Variants in KIAA2012 observed in about 807,000 individuals in gnomAD.
KIAA2012 encodes uncharacterized protein KIAA2012.
A neutral mutation model predicts 150.6 loss-of-function variants in KIAA2012; 125 were observed. The observed-to-expected ratio is 0.83, with a 90% confidence interval of 0.72 to 0.96. The LOEUF (loss-of-function observed/expected upper bound fraction) is 0.96. Among genes scored for constraint, KIAA2012 ranks in the 40% least tolerant of loss-of-function variants. KIAA2012 has a pLI of 0.00. For missense variants in KIAA2012, 1,219 were observed against 1,354.9 expected (o/e 0.90, Z 1.57); for synonymous variants, 462 against 504.7 (o/e 0.92, Z 1.13).
intron 12 of KIAA2012, among the ~76,000 whole-genome samples, chr2:202,130,848 C>A (rs2105939753): frequency 6.6e-6 from 1 of 152,138 alleles, no homozygotes; most frequent in South Asian, 2.1e-4. Context: ...ACCCAGGAGG[C>A]AGAGGTTGCA....
At chr2:202,103,558 A>G (rs1690107176) in intron 8 of KIAA2012, among the ~76,000 whole-genome samples, 2 of 152,210 alleles carry the variant, frequency 1.3e-5, no homozygotes, top group Non-Finnish European at 2.9e-5. Flanking sequence ...GTTTGAAGTA[A>G]GTACTGGATT....
intron 3 of KIAA2012, among the ~76,000 whole-genome samples, chr2:202,091,894 T>C (rs1689734049): frequency 6.6e-6 from 1 of 152,176 alleles, no homozygotes. Context: ...CCCCAATAAG[T>C]GGTGACTTGA....
intron 23 of KIAA2012, among the ~76,000 whole-genome samples, chr2:202,202,931 GAAA>G (rs34202403): frequency 6.3e-5 from 8 of 126,036 alleles, no homozygotes; most frequent in South Asian, 2.5e-4. Flanking sequence ...TGTCTCTTAA[GAAA>G]AAAAAAAAAA....
rs1005786884 is a variant in KIAA2012, at chr2:202,097,526, C to T, written c.777C>T (p.Arg259=). The T allele has an allele frequency of 3.0e-5, 47 of 1,550,168 alleles. No homozygotes were observed. The highest frequency in any genetic ancestry group is 4.1e-5 in the Non-Finnish European group (47 of 1,146,930). The change falls in exon 5 of 24, where the codon CGC becomes CGT. Residue 259 remains arginine (R), a synonymous_variant. Coordinates refer to ENST00000498697, the MANE Select transcript of KIAA2012 (RefSeq NM_001277372.4). ...AGAACCATGGCAGTCAGGGGACTCG[C>T]TTGCCACCACGCAGGAAGCAGCCCT... ...LAKNHGSQGT[R]LPPRRKQPWQ...
chr2:202,166,527 C>T (rs1691767511), intron 15 of KIAA2012, among the ~76,000 whole-genome samples: 1 of 152,070 alleles, frequency 6.6e-6, no homozygotes, highest in Non-Finnish European at 1.5e-5. Context: ...GTAGCACATG[C>T]CTGTAGTCCC....
At chr2:202,084,375 G>T (rs1426023149) in intron 2 of KIAA2012, among the ~76,000 whole-genome samples, 1 of 152,152 alleles carries the variant, frequency 6.6e-6, no homozygotes, top group Non-Finnish European at 1.5e-5. Context: ...CGGGGGAAGG[G>T]ACAGTTACAC....
In KIAA2012 at chr2:202,101,523, C is replaced by T. The variant is rs554940699; in HGVS notation, c.1155+1074C>T. Among the ~76,000 whole-genome samples the T allele has an allele frequency of 3.3e-5, 5 of 152,338 alleles. No individual in the cohort carries two copies. In the East Asian group the frequency reaches 9.6e-4, roughly 29 times the overall value. ...GAGGAAAGGAGTCCCTTCCCTCAAC[C>T]CATGTATATGGTTTCACAGAGGAAA... On this transcript the variant is annotated intron_variant, in intron 7 of 23. Transcript: ENST00000498697.
At chr2:202,105,646 C>G in intron 8 of KIAA2012, 115 bp from the exon 9 acceptor site, 2 of 1,369,980 alleles carry the variant, frequency 1.5e-6, no homozygotes, top group Non-Finnish European at 2.0e-6. Flanking sequence ...CAAATGGACA[C>G]TGCTCCAACC....
chr2:202,111,024 C>T (rs1690335137), intron 10 of KIAA2012, among the ~76,000 whole-genome samples: 1 of 152,146 alleles, frequency 6.6e-6, no homozygotes, highest in African/African-American at 2.4e-5. Flanking sequence ...ACCCCCTCCC[C>T]TTTATACTTG....
intron 2 of KIAA2012, among the ~76,000 whole-genome samples, chr2:202,080,802 C>T (rs2105909314): frequency 6.6e-6 from 1 of 151,950 alleles, no homozygotes; most frequent in Non-Finnish European, 1.5e-5. Flanking sequence ...ATCCTCACAA[C>T]AGGTTAATAA....
At chr2:202,103,263 G>T in intron 8 of KIAA2012, 149 bp downstream of exon 8, 1 of 771,248 alleles carries the variant, frequency 1.3e-6, no homozygotes, top group Non-Finnish European at 2.0e-6. Context: ...ATAAAATCTA[G>T]AAGAAGATCT....
chr2:202,125,189 G>A (rs1690752217), intron 11 of KIAA2012, 25 bp from the exon 12 acceptor site: 9 of 1,538,722 alleles, frequency 5.8e-6, no homozygotes, highest in Non-Finnish European at 7.9e-6. Flanking sequence ...CCCGCTCTCA[G>A]GTAAAATATC....
chr2:202,196,663 C>T (rs753166382), intron 21 of KIAA2012, 137 bp from the exon 22 acceptor site: 232 of 1,053,408 alleles, frequency 2.2e-4, no homozygotes, highest in Non-Finnish European at 3.0e-4. Context: ...CAGAGAGGAT[C>T]TGGCAGCCTG....
intron 15 of KIAA2012, among the ~76,000 whole-genome samples, chr2:202,181,768 A>AT (rs1346978395): frequency 6.6e-6 from 1 of 152,092 alleles, no homozygotes; most frequent in Admixed American, 6.6e-5. Context: ...GCATGGTGAG[A>AT]TTTTTTTGGT....
chr2:202,087,380 G>A (rs1245930627), intron 2 of KIAA2012, among the ~76,000 whole-genome samples: 3 of 151,922 alleles, frequency 2.0e-5, no homozygotes, highest in African/African-American at 7.3e-5. Context: ...AGGCATTGTG[G>A]CACATGCCTG....
chr2:202,142,740 G>A (rs888417933), intron 13 of KIAA2012, among the ~76,000 whole-genome samples: 34 of 152,076 alleles, frequency 2.2e-4, no homozygotes, highest in Admixed American at 1.4e-3. Flanking sequence ...AGATGGAGTT[G>A]GTTAGGTCAG....
rs964760807 is a variant in KIAA2012 at position 202,190,429 on chromosome 2, A to G, written c.2747A>G (p.Gln916Arg). The change falls in exon 19 of 24, where the codon CAG (glutamine) becomes CGG (arginine). Residue 916 changes from glutamine (Q) to arginine (R), a missense_variant. By Grantham distance (43) the Gln-to-Arg change is conservative. Transcript: ENST00000498697. ...VSLDGRSSPS[Q>R]IATVTGNMES... is the part of the protein sequence containing the mutation. ...CTAGATGGAAGATCATCACCCTCTC[A>G]GATTGCAACTGTCACTGGCAACATG... 3.3e-5 allele frequency: 51 copies of G among 1,549,198 alleles called. No homozygotes were observed. Among genetic ancestry groups the G allele is most frequent in the African/African-American group, 2.9e-4 (21 of 72,918 alleles).
chr2:202,074,589 T>G (rs1325598377), intron 1 of KIAA2012, among the ~76,000 whole-genome samples: 1 of 152,170 alleles, frequency 6.6e-6, no homozygotes, highest in African/African-American at 2.4e-5. Flanking sequence ...ACCACTTACT[T>G]GCATACCAGG....
chr2:202,171,548 G>T (rs1407893509), intron 15 of KIAA2012, among the ~76,000 whole-genome samples: 1 of 152,204 alleles, frequency 6.6e-6, no homozygotes, highest in Non-Finnish European at 1.5e-5. Flanking sequence ...GGCTCTCCCC[G>T]AAGGGTCACT....
Sources: allele counts gnomAD v4.1 joint callset (sites outside exome capture counted in the v4.1 genomes callset), GRCh38; gene constraint gnomAD v4.1.1; transcripts MANE v1.5; gene names NCBI Gene and HGNC (gene_info 2026-07-23, HGNC 2026-07-21).